MPPED2: variants seen among roughly 807,000 people sequenced by gnomAD.
The protein encoded by MPPED2 is metallophosphoesterase MPPED2.
A neutral mutation model predicts 33.0 loss-of-function variants in MPPED2; 5 were observed. The ratio of observed to expected loss-of-function variants is 0.15; its 90% CI spans 0.08 to 0.32. The LOEUF (loss-of-function observed/expected upper bound fraction) is 0.32. MPPED2 is among the 10% of genes least tolerant of loss of function. The probability of loss-of-function intolerance (pLI) is 1.00; values close to 1 mark genes in which losing one functional copy is unlikely to be tolerated. For synonymous variants in MPPED2, 136 were observed against 141.9 expected, an observed-to-expected ratio of 0.96 and a Z score of 0.29; for missense variants, 275 against 372.1, an observed-to-expected ratio of 0.74 and a Z score of 2.15.
rs144113102 is a variant in MPPED2 at position 30,447,794 on chromosome 11, G to A, written c.537-30161C>T. 3.1e-3 allele frequency among the ~76,000 whole-genome samples: 471 copies of A among 152,136 alleles called. 2 individuals are homozygous for A. The highest frequency in any genetic ancestry group is 0.011 in the African/African-American group (436 of 41,488). On this transcript the variant is annotated intron_variant, in intron 4 of 6. Transcript: ENST00000358117. ...GAATGAATCTTTACTTCAATCAACC[G>A]GTATTTCCTGAGAGGTTTCGTGAGT...
Position 30,470,321 on chromosome 11 carries a change from T to C in MPPED2, c.536+24975A>G, listed in dbSNP as rs12281089. On this transcript the variant is annotated intron_variant, in intron 4 of 6. Transcript: ENST00000358117. ...CACCACTTAAAAGTTGATTGAAGAATATATAAATTATAGTTAGATGGGAGG... is the reference window on the plus strand; with the variant it reads ...CACCACTTAAAAGTTGATTGAAGAACATATAAATTATAGTTAGATGGGAGG... 9.2e-3 allele frequency among the ~76,000 whole-genome samples: 1,393 copies of C among 152,220 alleles called. 28 individuals carry two copies. Among genetic ancestry groups the C allele is most frequent in the African/African-American group, 0.032 (1,326 of 41,516 alleles).
chr11:30,410,786 G>T lies in MPPED2; in HGVS notation c.*682C>A, dbSNP rs1948074230. 3 of 985,288 alleles carry T rather than the reference G, an allele frequency of 3.0e-6. No homozygotes were observed. The highest frequency in any genetic ancestry group is 6.2e-5 in the Admixed American group (1 of 16,248). The allele number at this position is 985,288 out of a possible 1,614,324, so 61.0% of individuals were successfully genotyped here. The stretch of plus-strand genomic sequence containing the variant: ...CCGTATGAAATACCTGCTCTTGACA[G>T]ATTCCATTTCTGTATTTTTAAAGCT... On this transcript the variant is annotated 3_prime_UTR_variant, in exon 7 of 7. Transcript: ENST00000358117.
rs371802583 is a variant in MPPED2, at chr11:30,507,129, C to T, written c.311-11608G>A. On this transcript the variant is annotated intron_variant, in intron 3 of 6. Transcript: ENST00000358117. The stretch of plus-strand genomic sequence containing the variant: ...TTTAAATGCATCACAGATCAATTTA[C>T]ATGGTACTTTTGTCAATAAGCAAAA... Among the ~76,000 whole-genome samples the T allele has an allele frequency of 3.0e-4, 45 of 152,344 alleles. No individual in the cohort carries two copies. In the South Asian group the frequency reaches 4.8e-3, roughly 16 times the overall value.
intron 2 of MPPED2, among the ~76,000 whole-genome samples, chr11:30,548,426 C>T (rs1383638267): frequency 6.6e-6 from 1 of 152,054 alleles, no homozygotes; most frequent in Non-Finnish European, 1.5e-5. Flanking sequence ...TGCTATGTTG[C>T]CCAGGCTGGT....
chr11:30,495,468 A>G lies in MPPED2; in HGVS notation c.364T>C (p.Phe122Leu). The part of the protein sequence containing the change: ...IVIAGNHELT[F>L]DKEFMADLVK... ...AGGTCTGCCATGAATTCCTTATCAA[A>G]TGTCAGTTCATGATTCCCAGCAATC... Residue 122 changes from phenylalanine (F) to leucine (L), a missense_variant, in exon 4 of 7, where the codon TTT (phenylalanine) becomes CTT (leucine). Phe to Leu is a conservative substitution (Grantham distance 22). Transcript: ENST00000358117. The G allele has an allele frequency of 6.2e-7, 1 of 1,614,158 alleles. No individual in the cohort carries two copies.
intron 4 of MPPED2, among the ~76,000 whole-genome samples, chr11:30,468,254 A>ACTCT (rs1378423054): frequency 6.5e-5 from 7 of 107,862 alleles, no homozygotes; most frequent in African/African-American, 2.2e-4. Context: ...ACACACACAC[A>ACTCT]CACTCTCTCT....
At chr11:30,402,638 G>T (rs780475341) in intron 6 of MPPED2, among the ~76,000 whole-genome samples, 1 of 152,128 alleles carries the variant, frequency 6.6e-6, no homozygotes, top group Admixed American at 6.5e-5. Flanking sequence ...ATTCAGTTTT[G>T]GGTCAGGACC....
intron 4 of MPPED2, among the ~76,000 whole-genome samples, chr11:30,457,054 TCA>T (rs1452466274): frequency 6.6e-6 from 1 of 152,216 alleles, no homozygotes; most frequent in Non-Finnish European, 1.5e-5. Context: ...AATCTTCTTC[TCA>T]CTCTTTCTTT....
chr11:30,397,072 T>G (rs183425318), intron 6 of MPPED2, among the ~76,000 whole-genome samples: 19 of 152,278 alleles, frequency 1.2e-4, no homozygotes, highest in African/African-American at 4.1e-4. Flanking sequence ...GTGCTTTGTA[T>G]GTAAATTGTA....
rs561769471 is a variant in MPPED2, at chr11:30,509,795, C to T, written c.311-14274G>A. ...TAGCAGAGTCCTCAGAGATTTGAAT[C>T]ATTCCTTCCATGGAATGGGAAACTA... On this transcript the variant is annotated intron_variant, in intron 3 of 6. Coordinates refer to ENST00000358117, the MANE Select transcript of MPPED2 (RefSeq NM_001584.3). 8.9e-4 allele frequency among the ~76,000 whole-genome samples: 136 copies of T among 152,298 alleles called. 1 individual carries two copies. Among genetic ancestry groups the T allele is most frequent in the African/African-American group, 3.1e-3 (127 of 41,566 alleles).
chr11:30,490,331 A>C (rs1370755859), intron 4 of MPPED2, among the ~76,000 whole-genome samples: 1 of 152,204 alleles, frequency 6.6e-6, no homozygotes, highest in Non-Finnish European at 1.5e-5. Flanking sequence ...ACTCCCAAAA[A>C]AGAATGAGAA....
intron 4 of MPPED2, among the ~76,000 whole-genome samples, chr11:30,490,645 A>G (rs1951934464): frequency 6.6e-6 from 1 of 152,100 alleles, no homozygotes; most frequent in South Asian, 2.1e-4. Flanking sequence ...TTGGGGATCT[A>G]GTAAGTACTA....
At chr11:30,499,127 A>C (rs1276194144) in intron 3 of MPPED2, among the ~76,000 whole-genome samples, 1 of 152,190 alleles carries the variant, frequency 6.6e-6, no homozygotes, top group African/African-American at 2.4e-5. Flanking sequence ...TCTAGCTCCC[A>C]GGCTCCAACT....
intron 4 of MPPED2, among the ~76,000 whole-genome samples, chr11:30,490,875 T>C (rs1325264421): frequency 6.9e-6 from 1 of 144,074 alleles, no homozygotes; most frequent in East Asian, 2.0e-4. Context: ...ATCTTCTAAA[T>C]ACATGAATTA....
intron 4 of MPPED2, among the ~76,000 whole-genome samples, chr11:30,455,508 AC>A (rs1950243417): frequency 1.3e-5 from 2 of 152,254 alleles, no homozygotes; most frequent in South Asian, 2.1e-4. Flanking sequence ...ATTAAAATAT[AC>A]ATTTGAAGCA....
At chr11:30,541,898 C>T (rs1565167846) in intron 2 of MPPED2, among the ~76,000 whole-genome samples, 1 of 152,148 alleles carries the variant, frequency 6.6e-6, no homozygotes, top group African/African-American at 2.4e-5. Flanking sequence ...GGCCCACTGA[C>T]TTTATCTCTA....
intron 6 of MPPED2, among the ~76,000 whole-genome samples, chr11:30,389,729 T>C (rs770974353): frequency 2.0e-5 from 3 of 152,248 alleles, no homozygotes; most frequent in Non-Finnish European, 4.4e-5. Flanking sequence ...TTGGTTGCCT[T>C]GACTCTGGAT....
At chr11:30,516,301 T>C (rs1953531095) in intron 3 of MPPED2, among the ~76,000 whole-genome samples, 1 of 152,178 alleles carries the variant, frequency 6.6e-6, no homozygotes, top group African/African-American at 2.4e-5. Context: ...TTCTGATGCA[T>C]CCAAGTCTCG....
At chr11:30,416,758 C>T (rs1343938444) in intron 5 of MPPED2, among the ~76,000 whole-genome samples, 1 of 152,150 alleles carries the variant, frequency 6.6e-6, no homozygotes, top group African/African-American at 2.4e-5. Flanking sequence ...TAGAAAGGGT[C>T]CTGGCATAAT....
Sources: gnomAD v4.1 joint callset for allele counts (sites outside exome capture counted in the v4.1 genomes callset) on GRCh38, gnomAD v4.1.1 for gene constraint, MANE v1.5 for transcripts, NCBI Gene and HGNC (gene_info 2026-07-23, HGNC 2026-07-21) for gene names.